Variants in MPST observed in about 807,000 individuals in gnomAD.
MPST encodes 3-mercaptopyruvate sulfurtransferase.
MPST carries 27 observed loss-of-function variants against 28.5 expected under a neutral mutation model. That is an observed-to-expected ratio of 0.95 (90% CI 0.70 to 1.31). The LOEUF (loss-of-function observed/expected upper bound fraction) is 1.31. MPST is among the 50% of genes most tolerant of loss of function. The pLI is 0.00. For missense variants in MPST, 492 were observed against 471.1 expected (o/e 1.04, Z -0.41); for synonymous variants, 204 against 209.3 (o/e 0.97, Z 0.22).
chr22:37,028,549 A>G (rs1354785005), intron 2 of MPST: 3 of 151,680 alleles, frequency 2.0e-5, no homozygotes, highest in Admixed American at 6.6e-5. Context: ...AAAAAAGAAC[A>G]AAAAAAGGAA....
Position 37,024,402 on chromosome 22 carries a change from G to T in MPST, c.247G>T (p.Asp83Tyr). The change falls in exon 2 of 3, where the codon GAC (aspartate) becomes TAC (tyrosine). Residue 83 changes from aspartate (D) to tyrosine (Y), a missense_variant. Coordinates refer to ENST00000429360, the MANE Select transcript of MPST (RefSeq NM_021126.8). ...HIPGAAFFDIDQCSDRTSPYD... is the reference protein window; with the variant it reads ...HIPGAAFFDIYQCSDRTSPYD... The stretch of plus-strand genomic sequence containing the variant: ...CCCGGGCGCCGCTTTCTTCGACATC[G>T]ACCAGTGCAGCGACCGCACCTCGCC... 2 of 1,545,926 alleles carry T rather than the reference G, an allele frequency of 1.3e-6. No homozygotes were observed. Among genetic ancestry groups the T allele is most frequent in the Non-Finnish European group, 1.7e-6 (2 of 1,145,248 alleles).
chr22:37,024,300 C>T lies in MPST; in HGVS notation c.145C>T (p.Leu49=). The T allele has an allele frequency of 6.5e-7, 1 of 1,527,910 alleles. No individual in the cohort carries two copies. The highest frequency in any genetic ancestry group is 8.8e-7 in the Non-Finnish European group (1 of 1,141,310). 94.6% of individuals were successfully genotyped at this position (1,527,910 alleles called of 1,614,324 possible). Residue 49 remains leucine, a synonymous_variant, in exon 2 of 3, where the codon CTG becomes TTG. Transcript: ENST00000429360. ...ALRAPRAGQP[L]QLLDASWYLP... ...GCGGGCCCCGCGCGCTGGGCAGCCT[C>T]TGCAGCTGCTGGACGCCTCCTGGTA...
At chr22:37,021,731 G>A (rs1461320296) in intron 1 of MPST, among the ~76,000 whole-genome samples, 4 of 152,040 alleles carry the variant, frequency 2.6e-5, no homozygotes, top group Non-Finnish European at 5.9e-5. Context: ...TTGGCCTCCC[G>A]AAGTGCTGGG....
chr22:37,024,875 T>C, intron 2 of MPST, 65 bp downstream of exon 2: 2 of 1,568,200 alleles, frequency 1.3e-6, no homozygotes, highest in African/African-American at 1.4e-5. Context: ...AGCAGTGCCC[T>C]GGACTTGACC....
At position 37,024,575 on chromosome 22, in the gene MPST, C is replaced by A; in HGVS notation, c.420C>A (p.Phe140Leu). 1 of 1,588,664 alleles carries A rather than the reference C, an allele frequency of 6.3e-7. No homozygotes were observed. The highest frequency in any genetic ancestry group is 8.5e-7 in the Non-Finnish European group (1 of 1,174,352). Residue 140 changes from phenylalanine to leucine, a missense_variant, in exon 2 of 3, where the codon TTC becomes TTA. Coordinates refer to ENST00000429360, the MANE Select transcript of MPST (RefSeq NM_021126.8). ...GCGTCTGGTGGATGTTCCGCGCCTT[C>A]GGCCACCACGCCGTGTCACTGCTTG... is the stretch of plus-strand genomic sequence containing the variant. The part of the protein sequence containing the change: ...APRVWWMFRA[F>L]GHHAVSLLDG...
chr22:37,020,039 C>G (rs962046574), intron 1 of MPST, 167 bp downstream of exon 1: 2 of 309,596 alleles, frequency 6.5e-6, no homozygotes, highest in African/African-American at 2.2e-5. Context: ...CCGCTTGGGG[C>G]GGCCTGCCGG....
chr22:37,020,955 G>A (rs1923023346), intron 1 of MPST, among the ~76,000 whole-genome samples: 3 of 151,956 alleles, frequency 2.0e-5, no homozygotes, highest in Non-Finnish European at 4.4e-5. Flanking sequence ...CACCATCCCT[G>A]GCCTCATCCC....
At chr22:37,025,083 C>T (rs1202380612) in intron 2 of MPST, 3 of 1,498,082 alleles carry the variant, frequency 2.0e-6, no homozygotes, top group African/African-American at 1.4e-5. Flanking sequence ...CTCAGGTGAC[C>T]CTCCCCGCTC....
intron 1 of MPST, chr22:37,023,179 T>G (rs4821585): frequency 0.63 from 95,825 of 152,210 alleles, 32,087 homozygotes; most frequent in African/African-American, 0.87. Flanking sequence ...AGAGTGTGTG[T>G]CTGAGAAGTC....
At chr22:37,028,189 C>T (rs1324919594) in intron 2 of MPST, 1 of 150,930 alleles carries the variant, frequency 6.6e-6, no homozygotes, top group Non-Finnish European at 1.5e-5. Flanking sequence ...TTACTTGAGG[C>T]CAGGAATTCA....
At chr22:37,021,499 G>A (rs1412573191) in intron 1 of MPST, among the ~76,000 whole-genome samples, 1 of 152,024 alleles carries the variant, frequency 6.6e-6, no homozygotes, top group African/African-American at 2.4e-5. Context: ...TTGAGATGGA[G>A]TCTCACTCTG....
Position 37,019,841 on chromosome 22 carries a change from C to T in MPST, c.5C>T (p.Ala2Val). 1 of 1,216,986 alleles carries T rather than the reference C, an allele frequency of 8.2e-7. No individual in the cohort carries two copies. Among genetic ancestry groups the T allele is most frequent in the Non-Finnish European group, 1.0e-6 (1 of 972,694 alleles). The allele number at this position is 1,216,986 out of a possible 1,614,324, so 75.4% of individuals were successfully genotyped here. M[A>V]EPGSRESETR... is the part of the protein sequence containing the mutation. Reference sequence around the variant, plus strand: ...GGGCGCCGCGCCGCGGGGGCCATGGCGGAGCCAGGAAGCCGGGAGTCCGAG... The same window carrying T: ...GGGCGCCGCGCCGCGGGGGCCATGGTGGAGCCAGGAAGCCGGGAGTCCGAG... Residue 2 changes from alanine (A) to valine (V), a missense_variant, in exon 1 of 3, where the codon GCG becomes GTG. Transcript: ENST00000429360.
At chr22:37,027,024 C>T (rs1371606045) in intron 2 of MPST, 1 of 152,480 alleles carries the variant, frequency 6.6e-6, no homozygotes, top group Non-Finnish European at 1.5e-5. Flanking sequence ...GCAATCTCGG[C>T]TCACCACAAC....
intron 1 of MPST, among the ~76,000 whole-genome samples, chr22:37,022,539 T>C (rs1296066912): frequency 1.3e-5 from 2 of 152,162 alleles, no homozygotes; most frequent in African/African-American, 2.4e-5. Context: ...CATTAGGCCC[T>C]GGTCATCATG....
At chr22:37,020,762 G>A (rs5756488) in intron 1 of MPST, among the ~76,000 whole-genome samples, 43,600 of 151,886 alleles carry the variant, frequency 0.29, 6,750 homozygotes, top group East Asian at 0.56. Context: ...AGGCTCAAGC[G>A]ATCCTCCCAC....
At chr22:37,024,139 C>T in intron 1 of MPST, 53 bp from the exon 2 acceptor site, 1 of 1,357,924 alleles carries the variant, frequency 7.4e-7, no homozygotes. Context: ...CCAGCCCTAG[C>T]CCCAACAGCG....
At chr22:37,025,798 C>T (rs1923482356) in intron 2 of MPST, 1 of 152,336 alleles carries the variant, frequency 6.6e-6, no homozygotes, top group Non-Finnish European at 1.5e-5. Context: ...GACCACTGCC[C>T]CTAGAGAGCT....
At chr22:37,020,820 G>A (rs1923013309) in intron 1 of MPST, among the ~76,000 whole-genome samples, 1 of 152,046 alleles carries the variant, frequency 6.6e-6, no homozygotes, top group Non-Finnish European at 1.5e-5. Context: ...CACCATTCCC[G>A]GCTAATTTTT....
In MPST at chr22:37,021,257, G is replaced by A. The variant is rs1923050627; in HGVS notation, c.36+1385G>A. Reference sequence around the variant, plus strand: ...GGCTTCTGAATCACACAGGCACCTGGTTTCTACCCCTCCCTGACACCCACA... The same window carrying A: ...GGCTTCTGAATCACACAGGCACCTGATTTCTACCCCTCCCTGACACCCACA... On this transcript the variant is annotated intron_variant, in intron 1 of 2. Coordinates refer to ENST00000429360, the MANE Select transcript of MPST (RefSeq NM_021126.8). 2.0e-5 allele frequency among the ~76,000 whole-genome samples: 3 copies of A among 152,020 alleles called. No homozygotes were observed. The South Asian group carries it at 6.2e-4, about 32-fold the overall frequency.
Sources: gnomAD v4.1 joint callset for allele counts (sites outside exome capture counted in the v4.1 genomes callset) on GRCh38, gnomAD v4.1.1 for gene constraint, MANE v1.5 for transcripts, NCBI Gene and HGNC (gene_info 2026-07-23, HGNC 2026-07-21) for gene names.